SH3BGR: variants seen among roughly 807,000 people sequenced by gnomAD.
The protein encoded by SH3BGR is SH3 domain binding glutamate rich protein.
In SH3BGR, 29 loss-of-function variants were observed where a neutral mutation model predicts 24.5. The observed-to-expected ratio is 1.18, with a 90% CI of 0.88 to 1.61. The LOEUF (loss-of-function observed/expected upper bound fraction) is 1.61. Ranked by LOEUF, SH3BGR falls within the 40% of genes most tolerant of loss-of-function variation. The pLI, the probability that SH3BGR is intolerant of heterozygous loss-of-function variation, is 0.00. For synonymous variants in SH3BGR, 55 were observed against 65.7 expected, an observed-to-expected ratio of 0.84 and a Z score of 0.79; for missense variants, 162 against 205.8, an observed-to-expected ratio of 0.79 and a Z score of 1.30.
intron 3 of SH3BGR, among the ~76,000 whole-genome samples, chr21:39,498,764 A>G (rs907828495): frequency 2.0e-5 from 3 of 152,018 alleles, no homozygotes; most frequent in Admixed American, 6.6e-5. Flanking sequence ...CTCTCTCTCT[A>G]TCCATCCACC....
intron 2 of SH3BGR, among the ~76,000 whole-genome samples, chr21:39,470,912 C>G (rs1371005796): frequency 6.6e-6 from 1 of 151,822 alleles, no homozygotes; most frequent in Non-Finnish European, 1.5e-5. Context: ...CACCTTCATG[C>G]TTGAAAAAAT....
chr21:39,492,593 A>G (rs2078324024), intron 3 of SH3BGR, among the ~76,000 whole-genome samples: 1 of 151,932 alleles, frequency 6.6e-6, no homozygotes, highest in Admixed American at 6.6e-5. Context: ...TGTGTGTGCA[A>G]GTATCTTTTT....
chr21:39,509,043 T>A lies in SH3BGR; in HGVS notation c.435+16T>A, dbSNP rs771175199. 1.9e-6 allele frequency: 3 copies of A among 1,603,234 alleles called. No individual in the cohort carries two copies. The highest frequency in any genetic ancestry group is 2.6e-6 in the Non-Finnish European group (3 of 1,172,658). ...CACAGAAGAGGTACGGTCGACCATC[T>A]TTAACAGCTGTGCTTAATCTGCTTA... On this transcript the variant is annotated intron_variant, in intron 5 of 6. Transcript: ENST00000333634.
chr21:39,510,720 A>C (rs2123563045), intron 5 of SH3BGR, among the ~76,000 whole-genome samples: 1 of 151,934 alleles, frequency 6.6e-6, no homozygotes, highest in East Asian at 1.9e-4. Context: ...GCTTCAAAAT[A>C]GAATTTTAAA....
At chr21:39,446,103 G>C (rs1315459179) in intron 1 of SH3BGR, 1 of 152,018 alleles carries the variant, frequency 6.6e-6, no homozygotes, top group Admixed American at 6.6e-5. Flanking sequence ...CAGTAGGTGG[G>C]TGTAGACGCC....
At chr21:39,449,274 T>C (rs2077547055), upstream of SH3BGR, among the ~76,000 whole-genome samples, 1 of 152,210 alleles carries the variant, frequency 6.6e-6, no homozygotes, top group Non-Finnish European at 1.5e-5. Context: ...ATGTGCATTT[T>C]TGGTTTTTTC....
chr21:39,490,151 C>G (rs1386104868), intron 3 of SH3BGR, among the ~76,000 whole-genome samples: 4 of 152,022 alleles, frequency 2.6e-5, no homozygotes, highest in Non-Finnish European at 5.9e-5. Flanking sequence ...GAATAGGAAA[C>G]TAAACAGTAG....
chr21:39,464,736 C>G (rs1182256485), intron 2 of SH3BGR, among the ~76,000 whole-genome samples: 1 of 152,214 alleles, frequency 6.6e-6, no homozygotes, highest in Middle Eastern at 3.4e-3. Context: ...TCCTCCTCAC[C>G]CCTCGCTCCT....
chr21:39,479,235 G>GTGA lies in SH3BGR; in HGVS notation c.312+4022_312+4023insATG, dbSNP rs1437290747. Among the ~76,000 whole-genome samples, 459 of 125,544 alleles carry GTGA rather than the reference G, an allele frequency of 3.7e-3. 4 individuals are homozygous for GTGA. The highest frequency in any genetic ancestry group is 0.011 in the African/African-American group (430 of 38,038). The allele number at this position is 125,544 out of a possible 152,430, so 82.4% of individuals were successfully genotyped here. A position where few individuals can be genotyped will look rare whatever the true frequency, so the allele number is the denominator to read the frequency against. On this transcript the variant is annotated intron_variant, in intron 3 of 6. Coordinates refer to ENST00000333634, the MANE Select transcript of SH3BGR (RefSeq NM_007341.3). ...GGTGGAGGTGGTAAGGGTGGTGGTG[G>GTGA]TGGTGGTGGTGGTGGTGGTGGTGAT...
intron 3 of SH3BGR, among the ~76,000 whole-genome samples, chr21:39,498,186 C>T (rs1277456895): frequency 6.6e-6 from 1 of 152,156 alleles, no homozygotes; most frequent in Non-Finnish European, 1.5e-5. Context: ...AGAAAAATGA[C>T]AATCAATTCC....
intron 3 of SH3BGR, among the ~76,000 whole-genome samples, chr21:39,490,373 G>C (rs1468305805): frequency 6.6e-6 from 1 of 152,204 alleles, no homozygotes; most frequent in Non-Finnish European, 1.5e-5. Context: ...AAATTCCCTG[G>C]AAGAAAAGAG....
chr21:39,456,419 G>A (rs920013323), intron 1 of SH3BGR, among the ~76,000 whole-genome samples: 1 of 152,250 alleles, frequency 6.6e-6, no homozygotes, highest in Admixed American at 6.5e-5. Context: ...TTATGGACAG[G>A]TTGGAAAAGA....
intron 6 of SH3BGR, among the ~76,000 whole-genome samples, chr21:39,512,672 G>T (rs2078716367): frequency 6.6e-6 from 1 of 152,098 alleles, no homozygotes. Flanking sequence ...CATGCCTGCG[G>T]TCCCAGCTAC....
chr21:39,485,686 CTT>C (rs71330369), intron 3 of SH3BGR, among the ~76,000 whole-genome samples: 108 of 116,746 alleles, frequency 9.3e-4, no homozygotes, highest in Admixed American at 2.3e-3. Context: ...AAGTTGTTTT[CTT>C]TTTTTTTTTT....
intron 1 of SH3BGR, 124 bp from the exon 2 acceptor site, chr21:39,462,251 C>T (rs2077766846): frequency 6.1e-6 from 4 of 658,290 alleles, no homozygotes; most frequent in South Asian, 2.0e-5. Flanking sequence ...TATTATTTTC[C>T]TTGTTTGAAT....
At chr21:39,482,592 G>A (rs946584345) in intron 3 of SH3BGR, among the ~76,000 whole-genome samples, 4 of 152,190 alleles carry the variant, frequency 2.6e-5, no homozygotes, top group African/African-American at 4.8e-5. Context: ...AGATGAAAAT[G>A]TTAGCAAGTG....
At chr21:39,504,488 G>T (rs773678521) in intron 4 of SH3BGR, among the ~76,000 whole-genome samples, 6 of 152,136 alleles carry the variant, frequency 3.9e-5, no homozygotes, top group Non-Finnish European at 8.8e-5. Flanking sequence ...TTCTGGCCAC[G>T]CACCACCTCT....
intron 3 of SH3BGR, among the ~76,000 whole-genome samples, chr21:39,494,103 T>C (rs2078350461): frequency 6.6e-6 from 1 of 152,176 alleles, no homozygotes; most frequent in Admixed American, 6.5e-5. Flanking sequence ...TCATGTAATA[T>C]GTAGAAACAT....
intron 2 of SH3BGR, among the ~76,000 whole-genome samples, chr21:39,463,873 C>T (rs2077797010): frequency 2.0e-5 from 3 of 152,202 alleles, no homozygotes; most frequent in Admixed American, 6.5e-5. Context: ...CTGTATCAAA[C>T]TACCACACAC....
Sources: allele counts gnomAD v4.1 joint callset (sites outside exome capture counted in the v4.1 genomes callset), GRCh38; gene constraint gnomAD v4.1.1; transcripts MANE v1.5; gene names NCBI Gene and HGNC (gene_info 2026-07-23, HGNC 2026-07-21).